PPM1D: variants seen among roughly 807,000 people sequenced by gnomAD.
PPM1D encodes the protein protein phosphatase, Mg2+/Mn2+ dependent 1D, also known as protein phosphatase 1D.
PPM1D carries 52 observed loss-of-function variants against 58.3 expected under a neutral mutation model. The ratio of observed to expected loss-of-function variants is 0.89; its 90% CI spans 0.71 to 1.12. The LOEUF (loss-of-function observed/expected upper bound fraction) is 1.12, where lower values mean the gene tolerates loss of function less well. Among genes scored for constraint, PPM1D ranks in the 50% most tolerant of loss-of-function variants. PPM1D has a pLI of 0.00. For missense variants in PPM1D, 564 were observed against 777.2 expected, an observed-to-expected ratio of 0.73 and a Z score of 3.26; for synonymous variants, 278 against 285.1, an observed-to-expected ratio of 0.98 and a Z score of 0.25.
At chr17:60,654,603 T>C (rs2031400818) in intron 4 of PPM1D, among the ~76,000 whole-genome samples, 1 of 151,838 alleles carries the variant, frequency 6.6e-6, no homozygotes, top group Admixed American at 6.6e-5. Context: ...GGTTCACACC[T>C]GTAATTCCAG....
At chr17:60,636,000 A>T (rs1027135512) in intron 3 of PPM1D, among the ~76,000 whole-genome samples, 1 of 152,118 alleles carries the variant, frequency 6.6e-6, no homozygotes, top group Admixed American at 6.5e-5. Flanking sequence ...GAAGCCTTCA[A>T]TGGGGTTGGA....
chr17:60,659,145 A>G (rs2031488228), intron 5 of PPM1D, among the ~76,000 whole-genome samples: 1 of 152,208 alleles, frequency 6.6e-6, no homozygotes, highest in South Asian at 2.1e-4. Context: ...AACAACTAAC[A>G]AAAGACAGAT....
At chr17:60,637,009 C>A (rs1433193864) in intron 3 of PPM1D, among the ~76,000 whole-genome samples, 2 of 145,922 alleles carry the variant, frequency 1.4e-5, no homozygotes, top group Admixed American at 7.0e-5. Context: ...GCTTTTATTG[C>A]CCAGGTTGGC....
chr17:60,638,283 A>AAATAATG, intron 3 of PPM1D, among the ~76,000 whole-genome samples: 1 of 152,326 alleles, frequency 6.6e-6, no homozygotes, highest in African/African-American at 2.4e-5. Context: ...TTCTTTTCAA[A>AAATAATG]AATAATGCTA....
intron 1 of PPM1D, among the ~76,000 whole-genome samples, chr17:60,613,890 G>GCCCCCCCCC (rs61669650): frequency 7.3e-6 from 1 of 137,368 alleles, no homozygotes; most frequent in African/African-American, 2.9e-5. Flanking sequence ...CATACCTGAG[G>GCCCCCCCCC]CCCCCCCCCC....
chr17:60,663,317 GAACCCCTCCAACA>G lies in PPM1D; in HGVS notation c.1587_1599del (p.Pro530LeufsTer5), dbSNP rs2031563386. On this transcript the variant is annotated frameshift_variant, in exon 6 of 6. Coordinates refer to ENST00000305921, the MANE Select transcript of PPM1D (RefSeq NM_003620.4). LOFTEE classifies it high-confidence loss of function. ...CAAATGAAAGCCCAAGAAATTGAAA[GAACCCCTCCAACA>G]AACTTTAAAAGGACATTAGAAGAGT... The G allele has an allele frequency of 6.2e-7, 1 of 1,614,032 alleles. No individual in the cohort carries two copies. The highest frequency in any genetic ancestry group is 1.7e-5 in the Admixed American group (1 of 59,990).
At chr17:60,613,623 C>T (rs1019770112) in intron 1 of PPM1D, among the ~76,000 whole-genome samples, 7 of 152,204 alleles carry the variant, frequency 4.6e-5, no homozygotes, top group African/African-American at 1.2e-4. Context: ...GGGAGAGGCG[C>T]GGGTGGGAAC....
chr17:60,648,408 G>A (rs1193476342), intron 4 of PPM1D, among the ~76,000 whole-genome samples: 2 of 143,330 alleles, frequency 1.4e-5, no homozygotes, highest in African/African-American at 5.2e-5. Context: ...TTTTTGAGAC[G>A]GAGTCTTGCT....
chr17:60,610,338 G>A (rs1338471515), intron 1 of PPM1D, among the ~76,000 whole-genome samples: 1 of 152,042 alleles, frequency 6.6e-6, no homozygotes, highest in East Asian at 1.9e-4. Context: ...TACTTTTTTG[G>A]TTCAGTATTG....
At chr17:60,620,394 G>A (rs1348299247) in intron 1 of PPM1D, among the ~76,000 whole-genome samples, 2 of 152,166 alleles carry the variant, frequency 1.3e-5, no homozygotes, top group East Asian at 1.9e-4. Flanking sequence ...TTACCACATA[G>A]TGTAAAGTTT....
Position 60,663,338 on chromosome 17 carries a change from A to C in PPM1D, c.1604A>C (p.Lys535Thr). The change falls in exon 6 of 6, where the codon AAA (lysine) becomes ACA (threonine). Residue 535 changes from lysine to threonine, a missense_variant. Physicochemically the swap from Lys to Thr is moderately conservative, Grantham distance 78. Transcript: ENST00000305921. ...GAAAGAACCCCTCCAACAAACTTTA[A>C]AAGGACATTAGAAGAGTCCAATTCT... is the stretch of plus-strand genomic sequence containing the variant. ...EIERTPPTNF[K>T]RTLEESNSGP... is the part of the protein sequence containing the mutation. 6.2e-7 allele frequency: 1 copy of C among 1,614,194 alleles called. No homozygotes were observed. The highest frequency in any genetic ancestry group is 8.5e-7 in the Non-Finnish European group (1 of 1,180,036).
At chr17:60,621,067 C>T (rs886554509) in intron 1 of PPM1D, among the ~76,000 whole-genome samples, 2 of 151,910 alleles carry the variant, frequency 1.3e-5, no homozygotes, top group East Asian at 1.9e-4. Context: ...GGATTACAGG[C>T]GCACACCACC....
chr17:60,659,513 T>C (rs1003497337), intron 5 of PPM1D, among the ~76,000 whole-genome samples: 2 of 152,224 alleles, frequency 1.3e-5, no homozygotes, highest in Non-Finnish European at 2.9e-5. Context: ...AATTTAGCTA[T>C]GTTTTACAAG....
At chr17:60,613,710 G>A (rs1034448343) in intron 1 of PPM1D, among the ~76,000 whole-genome samples, 1 of 152,248 alleles carries the variant, frequency 6.6e-6, no homozygotes, top group African/African-American at 2.4e-5. Flanking sequence ...CACTCGGAGC[G>A]GCCAGCTGGC....
At chr17:60,644,326 G>A (rs1331115258) in intron 3 of PPM1D, among the ~76,000 whole-genome samples, 1 of 151,644 alleles carries the variant, frequency 6.6e-6, no homozygotes, top group Non-Finnish European at 1.5e-5. Context: ...AATAAAGATG[G>A]GGTTTCACTG....
intron 1 of PPM1D, among the ~76,000 whole-genome samples, chr17:60,616,428 T>C (rs113552087): frequency 8.6e-5 from 13 of 151,928 alleles, no homozygotes; most frequent in African/African-American, 3.1e-4. Context: ...GCGAACATGG[T>C]GAAATCCCGT....
At chr17:60,634,656 A>G (rs2030989955) in intron 3 of PPM1D, among the ~76,000 whole-genome samples, 1 of 152,174 alleles carries the variant, frequency 6.6e-6, no homozygotes. Context: ...AAAAATAGTT[A>G]TATTTCTGGT....
intron 5 of PPM1D, 166 bp downstream of exon 5, chr17:60,657,007 C>T (rs776044643): frequency 1.3e-6 from 2 of 1,543,046 alleles, no homozygotes; most frequent in Admixed American, 3.9e-5. Flanking sequence ...CAATACTAAT[C>T]TGAATGCCAG....
chr17:60,659,446 A>G (rs2031491583), intron 5 of PPM1D, among the ~76,000 whole-genome samples: 1 of 152,222 alleles, frequency 6.6e-6, no homozygotes, highest in Admixed American at 6.5e-5. Flanking sequence ...TTGTTTAAGT[A>G]AGATAGATTA....
Sources: allele counts gnomAD v4.1 joint callset (sites outside exome capture counted in the v4.1 genomes callset), GRCh38; gene constraint gnomAD v4.1.1; transcripts MANE v1.5; gene names NCBI Gene and HGNC (gene_info 2026-07-23, HGNC 2026-07-21).